SDC2: variants seen among roughly 807,000 people sequenced by gnomAD.
The protein encoded by SDC2 is syndecan 2.
In SDC2, 13 loss-of-function variants were observed where a neutral mutation model predicts 22.2. The ratio of observed to expected loss-of-function variants is 0.59; its 90% CI spans 0.38 to 0.93. SDC2 has a LOEUF of 0.93. SDC2 is among the 40% of genes least tolerant of loss of function. The pLI, the probability that SDC2 is intolerant of heterozygous loss-of-function variation, is 0.00. For synonymous variants in SDC2, 94 were observed against 92.8 expected, an observed-to-expected ratio of 1.01 and a Z score of -0.07; for missense variants, 235 against 246.8, an observed-to-expected ratio of 0.95 and a Z score of 0.32.
intron 1 of SDC2, among the ~76,000 whole-genome samples, chr8:96,505,453 C>A (rs534451274): frequency 1.3e-5 from 2 of 152,100 alleles, no homozygotes; most frequent in South Asian, 4.2e-4. Flanking sequence ...ACAGGTGCAC[C>A]ACCACACGCA....
At chr8:96,585,174 A>G (rs545376192) in intron 1 of SDC2, among the ~76,000 whole-genome samples, 1 of 152,180 alleles carries the variant, frequency 6.6e-6, no homozygotes, top group Non-Finnish European at 1.5e-5. Flanking sequence ...AAACGTATTG[A>G]TGGGATTTTG....
chr8:96,510,289 A>G (rs1441482087), intron 1 of SDC2, among the ~76,000 whole-genome samples: 1 of 152,190 alleles, frequency 6.6e-6, no homozygotes, highest in African/African-American at 2.4e-5. Context: ...AAGTTCAGCA[A>G]TTTGGACCTG....
rs542751473 is a variant in SDC2 at position 96,509,087 on chromosome 8, G to A, written c.60+14756G>A. Among the ~76,000 whole-genome samples, 69 of 142,238 alleles carry A rather than the reference G, an allele frequency of 4.9e-4. 4 individuals are homozygous for A. Among genetic ancestry groups the A allele is most frequent in the African/African-American group, 1.7e-3 (68 of 39,940 alleles). The allele number at this position is 142,238 out of a possible 152,430, so 93.3% of individuals were successfully genotyped here. ...CAGTCTGGTAATGGGAGAACTAAGA[G>A]GTAGAATTAATGGAACCTCTCTAAA... is the stretch of plus-strand genomic sequence containing the variant. On this transcript the variant is annotated intron_variant, in intron 1 of 4. Transcript: ENST00000302190.
rs138863337 is a variant in SDC2, at chr8:96,573,197, G to C, written c.61-20283G>C. The stretch of plus-strand genomic sequence containing the variant: ...TCTTCATGTGAAATTTGGGAGATGG[G>C]CACAATTATTGTCTCATTTTATAGA... On this transcript the variant is annotated intron_variant, in intron 1 of 4. Coordinates refer to ENST00000302190, the MANE Select transcript of SDC2 (RefSeq NM_002998.4). Among the ~76,000 whole-genome samples the C allele has an allele frequency of 8.6e-5, 13 of 151,874 alleles. No homozygotes were observed. The East Asian group carries it at 2.5e-3, about 29-fold the overall frequency.
chr8:96,542,104 T>G (rs1434698896), intron 1 of SDC2, among the ~76,000 whole-genome samples: 1 of 152,058 alleles, frequency 6.6e-6, no homozygotes, highest in Non-Finnish European at 1.5e-5. Context: ...TCTTTGTAAT[T>G]TTCACTTCTC....
In SDC2 at chr8:96,605,646, TG is replaced by T. The variant is rs543971003; in HGVS notation, c.307-2688del. ...AAATTTCTCTATGGCCTCTGCTTTTTGTAAGTCATGGCAGGTTGAAGTTTAG... is the reference window on the plus strand; with the variant it reads ...AAATTTCTCTATGGCCTCTGCTTTTTTAAGTCATGGCAGGTTGAAGTTTAG... On this transcript the variant is annotated intron_variant, in intron 3 of 4. Coordinates refer to ENST00000302190, the MANE Select transcript of SDC2 (RefSeq NM_002998.4). 1.3e-3 allele frequency among the ~76,000 whole-genome samples: 194 copies of T among 152,384 alleles called. 1 individual carries two copies. The highest frequency in any genetic ancestry group is 4.5e-3 in the African/African-American group (189 of 41,596).
At chr8:96,528,136 T>TA (rs1813606571) in intron 1 of SDC2, among the ~76,000 whole-genome samples, 1 of 152,184 alleles carries the variant, frequency 6.6e-6, no homozygotes, top group African/African-American at 2.4e-5. Flanking sequence ...TTGGGTATTT[T>TA]AAAAAATCTA....
chr8:96,598,638 A>T (rs917824304), intron 2 of SDC2, among the ~76,000 whole-genome samples: 4 of 151,846 alleles, frequency 2.6e-5, no homozygotes, highest in African/African-American at 9.7e-5. Flanking sequence ...ATAAATAACA[A>T]AAAAAAATAA....
At chr8:96,600,961 G>A (rs1814971704) in intron 2 of SDC2, among the ~76,000 whole-genome samples, 1 of 152,194 alleles carries the variant, frequency 6.6e-6, no homozygotes, top group South Asian at 2.1e-4. Flanking sequence ...GGGAGAAAGT[G>A]TAGAGGAAGA....
At chr8:96,517,879 TCA>T (rs1813431574) in intron 1 of SDC2, among the ~76,000 whole-genome samples, 1 of 151,928 alleles carries the variant, frequency 6.6e-6, no homozygotes, top group Non-Finnish European at 1.5e-5. Context: ...AATGGACAAG[TCA>T]ATAGGTAGGA....
intron 1 of SDC2, among the ~76,000 whole-genome samples, chr8:96,564,259 A>G (rs1215305641): frequency 6.6e-6 from 1 of 152,190 alleles, no homozygotes; most frequent in Non-Finnish European, 1.5e-5. Flanking sequence ...TGGCGGGGAA[A>G]GGAGGGGTGA....
At chr8:96,553,954 T>C (rs946105060) in intron 1 of SDC2, among the ~76,000 whole-genome samples, 21 of 151,950 alleles carry the variant, frequency 1.4e-4, no homozygotes, top group Admixed American at 4.6e-4. Flanking sequence ...TGTTTGCTTT[T>C]TGTTTTGGTA....
chr8:96,505,498 C>T (rs1813225656), intron 1 of SDC2, among the ~76,000 whole-genome samples: 1 of 152,128 alleles, frequency 6.6e-6, no homozygotes, highest in Non-Finnish European at 1.5e-5. Context: ...GACAGGGTTT[C>T]ACCATGTTGG....
rs1815171105 is a variant in SDC2 at position 96,611,279 on chromosome 8, C to T, written c.*1731C>T. The T allele has an allele frequency of 6.6e-6, 1 of 152,172 alleles. No homozygotes were observed. Among genetic ancestry groups the T allele is most frequent in the African/African-American group, 2.4e-5 (1 of 41,384 alleles). 9.4% of individuals were successfully genotyped at this position (152,172 alleles called of 1,614,324 possible). Reference sequence around the variant, plus strand: ...TAAACATTTCCTTTTTCTATTTTACCACTAATTTTGTTTTAAACTGTGAGC... The same window carrying T: ...TAAACATTTCCTTTTTCTATTTTACTACTAATTTTGTTTTAAACTGTGAGC... On this transcript the variant is annotated 3_prime_UTR_variant, in exon 5 of 5. Transcript: ENST00000302190.
intron 3 of SDC2, 57 bp from the exon 4 acceptor site, chr8:96,608,271 ATTATTTC>A: frequency 6.5e-7 from 1 of 1,533,080 alleles, no homozygotes; most frequent in South Asian, 1.3e-5. Context: ...ATACTCATCT[ATTATTTC>A]TTCTTTCCAA....
At chr8:96,517,451 T>G (rs1323283790) in intron 1 of SDC2, among the ~76,000 whole-genome samples, 5 of 152,204 alleles carry the variant, frequency 3.3e-5, no homozygotes, top group Non-Finnish European at 7.3e-5. Flanking sequence ...TCCAAGAGTT[T>G]TATGGTTTTA....
chr8:96,501,281 T>G (rs1200662609), intron 1 of SDC2, among the ~76,000 whole-genome samples: 3 of 150,278 alleles, frequency 2.0e-5, no homozygotes, highest in African/African-American at 7.3e-5. Context: ...AAGGGAAAAG[T>G]TAAATACGTA....
intron 1 of SDC2, among the ~76,000 whole-genome samples, chr8:96,528,346 G>T (rs1813610094): frequency 1.3e-5 from 2 of 152,010 alleles, no homozygotes; most frequent in Admixed American, 1.3e-4. Flanking sequence ...TTTTACTGAA[G>T]AATTACAAAT....
intron 1 of SDC2, among the ~76,000 whole-genome samples, chr8:96,499,272 T>C (rs930912296): frequency 3.9e-5 from 6 of 152,226 alleles, no homozygotes; most frequent in African/African-American, 1.2e-4. Flanking sequence ...CAAGGCATAC[T>C]GATGATCAGA....
Sources: gnomAD v4.1 joint callset for allele counts (sites outside exome capture counted in the v4.1 genomes callset) on GRCh38, gnomAD v4.1.1 for gene constraint, MANE v1.5 for transcripts, NCBI Gene and HGNC (gene_info 2026-07-23, HGNC 2026-07-21) for gene names.